ADCY5: variants seen among roughly 807,000 people sequenced by gnomAD.
ADCY5 encodes adenylate cyclase type 5.
ADCY5 carries 30 observed loss-of-function variants against 119.7 expected under a neutral mutation model. The observed-to-expected ratio is 0.25, with a 90% CI of 0.19 to 0.34. ADCY5 has a LOEUF of 0.34. ADCY5 is among the 10% of genes least tolerant of loss of function. ADCY5 has a pLI of 1.00. For missense variants in ADCY5, 1,324 were observed against 1,775.2 expected (o/e 0.75, Z 4.57); for synonymous variants, 753 against 762.2 (o/e 0.99, Z 0.20).
chr3:123,334,296 C>T (rs746262921), intron 3 of ADCY5, among the ~76,000 whole-genome samples: 14 of 152,134 alleles, frequency 9.2e-5, no homozygotes, highest in Non-Finnish European at 1.5e-4. Flanking sequence ...GAGACAGCGG[C>T]GTGGCAGGAT....
chr3:123,446,527 T>C (rs141906178), intron 1 of ADCY5, among the ~76,000 whole-genome samples: 23 of 152,316 alleles, frequency 1.5e-4, no homozygotes, highest in African/African-American at 5.1e-4. Context: ...ATGGTATGGA[T>C]GGCAGGGGGG....
At chr3:123,396,403 AAG>A (rs1220054239) in intron 1 of ADCY5, among the ~76,000 whole-genome samples, 3 of 115,630 alleles carry the variant, frequency 2.6e-5, no homozygotes, top group African/African-American at 1.0e-4. Flanking sequence ...GAGAAAAAGA[AAG>A]AGAAAGAGAG....
chr3:123,391,963 C>T (rs1944412651), intron 1 of ADCY5, among the ~76,000 whole-genome samples: 1 of 152,226 alleles, frequency 6.6e-6, no homozygotes, highest in Non-Finnish European at 1.5e-5. Context: ...ACCAGAGTGT[C>T]CTGGGGCCCT....
chr3:123,327,498 C>G, intron 7 of ADCY5, 120 bp downstream of exon 7: 1 of 1,101,840 alleles, frequency 9.1e-7, no homozygotes, highest in Non-Finnish European at 1.3e-6. Flanking sequence ...ATGCAGGAAC[C>G]GCAACTGCAT....
chr3:123,383,662 C>T (rs571729841), intron 1 of ADCY5, among the ~76,000 whole-genome samples: 9 of 151,960 alleles, frequency 5.9e-5, no homozygotes, highest in Admixed American at 5.2e-4. Context: ...GCAGCAACAG[C>T]GACGGCTCCC....
At chr3:123,346,641 C>CTCTCTCTCTCTG (rs1376749948) in intron 3 of ADCY5, among the ~76,000 whole-genome samples, 1 of 146,510 alleles carries the variant, frequency 6.8e-6, no homozygotes, top group African/African-American at 2.5e-5. Context: ...CTCTCTCTCT[C>CTCTCTCTCTCTG]TGTGTGTATG....
In ADCY5 at chr3:123,416,059, T is replaced by A. The variant is rs757760871; in HGVS notation, c.1134+31353A>T. Reference sequence around the variant, plus strand: ...AAAAATCCAAGATAAAGTTCCCACCTAGGGTCAGGGGTTACAGTACAGGCC... The same window carrying A: ...AAAAATCCAAGATAAAGTTCCCACCAAGGGTCAGGGGTTACAGTACAGGCC... On this transcript the variant is annotated intron_variant, in intron 1 of 20. Coordinates refer to ENST00000462833, the MANE Select transcript of ADCY5 (RefSeq NM_183357.3). 2.1e-4 allele frequency: 221 copies of A among 1,052,806 alleles called. 1 individual carries two copies. The highest frequency in any genetic ancestry group is 2.6e-4 in the Non-Finnish European group (192 of 750,564). 65.2% of individuals were successfully genotyped at this position (1,052,806 alleles called of 1,614,324 possible). A position where few individuals can be genotyped will look rare whatever the true frequency, so the allele number is the denominator to read the frequency against.
At chr3:123,369,851 G>A (rs926871713) in intron 1 of ADCY5, among the ~76,000 whole-genome samples, 1 of 152,170 alleles carries the variant, frequency 6.6e-6, no homozygotes, top group African/African-American at 2.4e-5. Flanking sequence ...TGAGGACTCT[G>A]GGGAGTCTTA....
In ADCY5 at chr3:123,303,046, A is replaced by G; in HGVS notation, c.2724+9T>C. On this transcript the variant is annotated intron_variant, in intron 14 of 20. Transcript: ENST00000462833. The stretch of plus-strand genomic sequence containing the variant: ...CAGCACTCCCTTCCAGCCCCTGTGC[A>G]CCCAGTACCTCGGGGAAGTTGCAGT... 2 of 1,613,180 alleles carry G rather than the reference A, an allele frequency of 1.2e-6. No individual in the cohort carries two copies. Among genetic ancestry groups the G allele is most frequent in the East Asian group, 4.5e-5 (2 of 44,870 alleles).
At chr3:123,330,651 C>T (rs1175284659) in intron 5 of ADCY5, among the ~76,000 whole-genome samples, 4 of 152,230 alleles carry the variant, frequency 2.6e-5, no homozygotes, top group Admixed American at 2.6e-4. Context: ...CAGAGCCCTC[C>T]CCTCCCACAC....
intron 19 of ADCY5, among the ~76,000 whole-genome samples, chr3:123,288,720 G>C (rs753836125): frequency 9.9e-5 from 15 of 152,168 alleles, no homozygotes; most frequent in Non-Finnish European, 1.9e-4. Flanking sequence ...CAAAATAAAA[G>C]GTTGGGGGTA....
rs1940752727 is a variant in ADCY5 at position 123,314,127 on chromosome 3, C to G, written c.2442+108G>C. ...GCATCAGGCACTCTCCCACCCCTGC[C>G]AAGCACAATACTCGGGCCCCTTCAC... On this transcript the variant is annotated intron_variant, in intron 12 of 20. Transcript: ENST00000462833. 16 of 836,756 alleles carry G rather than the reference C, an allele frequency of 1.9e-5. No individual in the cohort carries two copies. In the South Asian group the frequency reaches 2.7e-4, roughly 14 times the overall value. The allele number at this position is 836,756 out of a possible 1,614,324, so 51.8% of individuals were successfully genotyped here. A position where few individuals can be genotyped will look rare whatever the true frequency, so the allele number is the denominator to read the frequency against.
chr3:123,308,244 A>G lies in ADCY5; in HGVS notation c.2443-4061T>C, dbSNP rs553462537. Among the ~76,000 whole-genome samples, 193 of 151,768 alleles carry G rather than the reference A, an allele frequency of 1.3e-3. 1 individual carries two copies. Among genetic ancestry groups the G allele is most frequent in the African/African-American group, 4.2e-3 (174 of 41,498 alleles). ...AGTACAGACAGGGTTTCACTGTGTT[A>G]GCCAGGATGGTCTTGATCTGCTGAC... On this transcript the variant is annotated intron_variant, in intron 12 of 20. Coordinates refer to ENST00000462833, the MANE Select transcript of ADCY5 (RefSeq NM_183357.3).
At chr3:123,436,332 C>T (rs751719656) in intron 1 of ADCY5, among the ~76,000 whole-genome samples, 1 of 151,976 alleles carries the variant, frequency 6.6e-6, no homozygotes, top group Non-Finnish European at 1.5e-5. Flanking sequence ...AAGATCATAC[C>T]ACTGTACTCT....
intron 1 of ADCY5, among the ~76,000 whole-genome samples, chr3:123,396,280 A>G (rs893903888): frequency 6.7e-6 from 1 of 148,574 alleles, no homozygotes; most frequent in African/African-American, 2.5e-5. Flanking sequence ...AGAAAGAGAG[A>G]GAGGGAAAGA....
chr3:123,327,201 A>G (rs1323845787), intron 7 of ADCY5, among the ~76,000 whole-genome samples: 1 of 152,212 alleles, frequency 6.6e-6, no homozygotes, highest in Non-Finnish European at 1.5e-5. Flanking sequence ...AGGTTCAAGA[A>G]ACAAAGACAT....
chr3:123,317,212 G>A (rs1940956188), intron 11 of ADCY5, among the ~76,000 whole-genome samples: 1 of 152,136 alleles, frequency 6.6e-6, no homozygotes, highest in African/African-American at 2.4e-5. Context: ...CATAGGCTTT[G>A]TCGGAGACAC....
In ADCY5 at chr3:123,339,794, C is replaced by T. The variant is rs185631408; in HGVS notation, c.1407-7119G>A. On this transcript the variant is annotated intron_variant, in intron 3 of 20. Coordinates refer to ENST00000462833, the MANE Select transcript of ADCY5 (RefSeq NM_183357.3). ...ACATACAATGGAACACCCCATAGCA[C>T]CTACTGACATTCTGTTTAGAAAGTC... is the stretch of plus-strand genomic sequence containing the variant. Among the ~76,000 whole-genome samples the T allele has an allele frequency of 9.4e-5, 14 of 148,544 alleles. 1 individual carries two copies. The highest frequency in any genetic ancestry group is 2.7e-4 in the African/African-American group (11 of 40,400).
intron 10 of ADCY5, among the ~76,000 whole-genome samples, chr3:123,318,445 GCAT>G (rs1254544965): frequency 1.3e-5 from 2 of 152,102 alleles, no homozygotes; most frequent in African/African-American, 4.8e-5. Flanking sequence ...GTGTCTACAG[GCAT>G]CATCCAGCAC....
Sources: gnomAD v4.1 joint callset for allele counts (sites outside exome capture counted in the v4.1 genomes callset) on GRCh38, gnomAD v4.1.1 for gene constraint, MANE v1.5 for transcripts, NCBI Gene and HGNC (gene_info 2026-07-23, HGNC 2026-07-21) for gene names.